The following CDH19 variants were observed in gnomAD, a reference collection of about 807,000 sequenced individuals.
The protein encoded by CDH19 is cadherin 19, also known as cadherin-19.
CDH19 carries 67 observed loss-of-function variants against 64.2 expected under a neutral mutation model. That is an observed-to-expected ratio of 1.04 (90% CI 0.86 to 1.28). CDH19 has a LOEUF of 1.28. CDH19 is among the 50% of genes most tolerant of loss of function. CDH19 has a pLI of 0.00. For missense variants in CDH19, 1,030 were observed against 929.0 expected (o/e 1.11, Z -1.41); for synonymous variants, 346 against 319.3 (o/e 1.08, Z -0.89).
chr18:66,556,794 G>A (rs1013500992), intron 3 of CDH19, among the ~76,000 whole-genome samples: 1 of 151,822 alleles, frequency 6.6e-6, no homozygotes, highest in African/African-American at 2.4e-5. Context: ...CAAATAAATG[G>A]CCAATGGTTA....
rs764104518 is a variant in CDH19 at position 66,509,028 on chromosome 18, T to C, written c.1795A>G (p.Ile599Val). ...LSMGFKTEVI[I>V]AILICIMIIF... ...ATCATAATGCAAATGAGAATAGCAA[T>C]GATGACTTCTGTCTTGAATCCCATG... is the stretch of plus-strand genomic sequence containing the variant. The change falls in exon 11 of 12, where the codon ATT becomes GTT. Residue 599 changes from isoleucine to valine, a missense_variant. By Grantham distance (29) the Ile-to-Val change is conservative. Transcript: ENST00000262150. 1 of 1,612,120 alleles carries C rather than the reference T, an allele frequency of 6.2e-7. No homozygotes were observed. Among genetic ancestry groups the C allele is most frequent in the South Asian group, 1.1e-5 (1 of 91,024 alleles).
intron 9 of CDH19, among the ~76,000 whole-genome samples, chr18:66,513,570 A>C (rs1985594433): frequency 6.6e-6 from 1 of 151,584 alleles, no homozygotes; most frequent in South Asian, 2.1e-4. Flanking sequence ...TATGCTAATA[A>C]GTTTTGATGG....
chr18:66,581,725 C>G (rs926072674), intron 1 of CDH19, among the ~76,000 whole-genome samples: 1 of 151,984 alleles, frequency 6.6e-6, no homozygotes, highest in Admixed American at 6.6e-5. Flanking sequence ...TTGGCCTCCC[C>G]GCTTTTGAGA....
intron 9 of CDH19, among the ~76,000 whole-genome samples, chr18:66,528,385 T>C (rs189957398): frequency 6.6e-6 from 1 of 152,286 alleles, no homozygotes; most frequent in African/African-American, 2.4e-5. Flanking sequence ...CATACATTTC[T>C]AAAATAGTTC....
At chr18:66,569,906 T>TGGA (rs1425175343) in intron 2 of CDH19, among the ~76,000 whole-genome samples, 1 of 151,704 alleles carries the variant, frequency 6.6e-6, no homozygotes, top group Non-Finnish European at 1.5e-5. Context: ...ACTGGATAAA[T>TGGA]TAATACACTT....
chr18:66,532,540 GGA>G, intron 8 of CDH19: 1 of 262,298 alleles, frequency 3.8e-6, no homozygotes, highest in Non-Finnish European at 7.2e-6. Context: ...AGAGAGAGAG[GGA>G]AAAAAAAAGC....
At chr18:66,576,984 G>T (rs932368482) in intron 1 of CDH19, among the ~76,000 whole-genome samples, 2 of 151,408 alleles carry the variant, frequency 1.3e-5, no homozygotes, top group African/African-American at 4.8e-5. Flanking sequence ...ATAATTCAAA[G>T]ATTGGGACAT....
chr18:66,576,044 A>G (rs1988256443), intron 1 of CDH19, among the ~76,000 whole-genome samples: 1 of 151,704 alleles, frequency 6.6e-6, no homozygotes, highest in Non-Finnish European at 1.5e-5. Flanking sequence ...AACTACTAAA[A>G]TAAAATAACA....
In CDH19 at chr18:66,559,675, T is replaced by C. The variant is rs1312828075; in HGVS notation, c.491-5151A>G. The stretch of plus-strand genomic sequence containing the variant: ...ATATAAAAGTGCATTTTTTAATATA[T>C]GAATATATATATGTATATACTCTGG... On this transcript the variant is annotated intron_variant, in intron 3 of 11. Transcript: ENST00000262150. Among the ~76,000 whole-genome samples, 6 of 130,432 alleles carry C rather than the reference T, an allele frequency of 4.6e-5. 1 individual carries two copies. 85.6% of individuals were successfully genotyped at this position (130,432 alleles called of 152,430 possible).
At chr18:66,519,263 T>C (rs962923511) in intron 9 of CDH19, among the ~76,000 whole-genome samples, 5 of 152,304 alleles carry the variant, frequency 3.3e-5, no homozygotes, top group East Asian at 1.9e-4. Context: ...TTATAATGTA[T>C]GACATGACCC....
At chr18:66,563,936 G>A (rs1428484751) in intron 3 of CDH19, among the ~76,000 whole-genome samples, 1 of 149,236 alleles carries the variant, frequency 6.7e-6, no homozygotes, top group South Asian at 2.1e-4. Flanking sequence ...ATTAGACTGT[G>A]TTTAATAAAT....
intron 3 of CDH19, among the ~76,000 whole-genome samples, chr18:66,558,237 G>C (rs1036509249): frequency 2.7e-5 from 4 of 150,318 alleles, no homozygotes; most frequent in African/African-American, 9.7e-5. Flanking sequence ...TTTAGTGCTT[G>C]TAGTTTTTCT....
intron 4 of CDH19, 145 bp from the exon 5 acceptor site, chr18:66,551,403 A>G: frequency 1.7e-6 from 1 of 587,340 alleles, no homozygotes; most frequent in Non-Finnish European, 3.0e-6. Context: ...GAAAAATAAT[A>G]AAAAATAAAT....
intron 1 of CDH19, among the ~76,000 whole-genome samples, chr18:66,595,035 A>G (rs1988848079): frequency 6.6e-6 from 1 of 151,546 alleles, no homozygotes; most frequent in Non-Finnish European, 1.5e-5. Context: ...TTAAAAAAAA[A>G]AGAAAATCAC....
At chr18:66,578,869 A>G (rs1988341659) in intron 1 of CDH19, among the ~76,000 whole-genome samples, 1 of 151,964 alleles carries the variant, frequency 6.6e-6, no homozygotes, top group South Asian at 2.1e-4. Flanking sequence ...ATAATGAGTA[A>G]AACAAGCCTG....
intron 1 of CDH19, among the ~76,000 whole-genome samples, chr18:66,581,501 T>C (rs1988420417): frequency 1.3e-5 from 2 of 152,068 alleles, no homozygotes; most frequent in Non-Finnish European, 2.9e-5. Flanking sequence ...CTGGTTGTGG[T>C]TGGGCACCAT....
chr18:66,506,557 A>C (rs1190189394), intron 11 of CDH19, among the ~76,000 whole-genome samples: 1 of 152,074 alleles, frequency 6.6e-6, no homozygotes, highest in African/African-American at 2.4e-5. Context: ...ATGCATTTGA[A>C]TCATAACACA....
At chr18:66,528,136 A>G (rs1186720932) in intron 9 of CDH19, among the ~76,000 whole-genome samples, 1 of 152,028 alleles carries the variant, frequency 6.6e-6, no homozygotes, top group African/African-American at 2.4e-5. Context: ...TTAAAGTATC[A>G]TTTATTAGAT....
chr18:66,593,073 GA>G (rs1197524513), intron 1 of CDH19, among the ~76,000 whole-genome samples: 6 of 151,264 alleles, frequency 4.0e-5, no homozygotes, highest in Non-Finnish European at 7.4e-5. Context: ...TTTTTTTTTA[GA>G]CTTTTTGATA....
Sources: allele counts gnomAD v4.1 joint callset (sites outside exome capture counted in the v4.1 genomes callset), GRCh38; gene constraint gnomAD v4.1.1; transcripts MANE v1.5; gene names NCBI Gene and HGNC (gene_info 2026-07-23, HGNC 2026-07-21).